The following LRRC37A2 variants were observed in gnomAD, a reference collection of about 807,000 sequenced individuals.
LRRC37A2 encodes leucine-rich repeat-containing protein 37A2.
A neutral mutation model predicts 68.8 loss-of-function variants in LRRC37A2; 9 were observed. The observed-to-expected ratio is 0.13, with a 90% confidence interval of 0.08 to 0.23. LRRC37A2 has a LOEUF of 0.23. Ranked by LOEUF, LRRC37A2 falls within the 10% of genes least tolerant of loss-of-function variation. The pLI, the probability that LRRC37A2 is intolerant of heterozygous loss-of-function variation, is 1.00. For synonymous variants in LRRC37A2, 63 were observed against 367.6 expected (o/e 0.17, Z 9.48); for missense variants, 168 against 950.4 (o/e 0.18, Z 10.82).
the LRRC37A2 span, among the ~76,000 whole-genome samples, chr17:46,817,821 G>C: frequency 6.6e-6 from 1 of 152,124 alleles, no homozygotes; most frequent in Non-Finnish European, 1.5e-5. Context: ...ACCCCTCCCA[G>C]ACAACACATT....
chr17:46,439,385 CAAAAAA>C, the LRRC37A2 span, among the ~76,000 whole-genome samples: 11 of 137,046 alleles, frequency 8.0e-5, no homozygotes, highest in Admixed American at 4.3e-4. Context: ...TACATAGAGC[CAAAAAA>C]AAAAAAAAAA....
chr17:46,630,972 A>T, the LRRC37A2 span, among the ~76,000 whole-genome samples: 1 of 137,828 alleles, frequency 7.3e-6, no homozygotes, highest in African/African-American at 3.0e-5. Context: ...GAATTTCTGT[A>T]TACTACCTTT....
chr17:46,661,378 T>TTTATTATTATTATTATTATTATTATTA, the LRRC37A2 span, among the ~76,000 whole-genome samples: 1 of 106,564 alleles, frequency 9.4e-6, no homozygotes, highest in African/African-American at 4.4e-5. Flanking sequence ...TACATTTCTT[T>TTTATTATTATTATTATTATTATTATTA]TTATTATTAT....
chr17:47,028,753 C>CA, the LRRC37A2 span, among the ~76,000 whole-genome samples: 1 of 151,366 alleles, frequency 6.6e-6, no homozygotes, highest in Non-Finnish European at 1.5e-5. Flanking sequence ...ACTATAAATA[C>CA]AAAAAAATTA....
the LRRC37A2 span, among the ~76,000 whole-genome samples, chr17:46,766,406 C>CA: frequency 0.012 from 1,532 of 126,826 alleles, 29 homozygotes; most frequent in African/African-American, 0.035. Flanking sequence ...GACTCAGTCT[C>CA]AAAAAAAAAA....
the LRRC37A2 span, among the ~76,000 whole-genome samples, chr17:46,499,030 A>G: frequency 3.5e-4 from 53 of 149,802 alleles, no homozygotes; most frequent in African/African-American, 1.3e-3. Context: ...AAAGCACTCT[A>G]TAGGCCAGGC....
the LRRC37A2 span, among the ~76,000 whole-genome samples, chr17:46,959,340 G>C: frequency 6.6e-6 from 1 of 152,150 alleles, no homozygotes. Context: ...ATCCAACCCC[G>C]TTCCCCACCC....
the LRRC37A2 span, among the ~76,000 whole-genome samples, chr17:46,985,360 A>T: frequency 6.6e-6 from 1 of 151,890 alleles, no homozygotes; most frequent in African/African-American, 2.4e-5. Flanking sequence ...CTCTACTAAA[A>T]TATACAAAAA....
the LRRC37A2 span, among the ~76,000 whole-genome samples, chr17:46,929,318 C>T: frequency 6.6e-6 from 1 of 152,128 alleles, no homozygotes; most frequent in Non-Finnish European, 1.5e-5. Flanking sequence ...CCATAATCTG[C>T]CTATCAGTGT....
the LRRC37A2 span, among the ~76,000 whole-genome samples, chr17:46,925,096 A>G: frequency 1.3e-4 from 20 of 151,090 alleles, no homozygotes; most frequent in Admixed American, 5.9e-4. Context: ...GCCTCCAACA[A>G]TGCACCCTTG....
the LRRC37A2 span, among the ~76,000 whole-genome samples, chr17:47,001,690 T>G: frequency 5.3e-5 from 8 of 150,886 alleles, no homozygotes; most frequent in Non-Finnish European, 7.4e-5. Context: ...CAACTACTGA[T>G]CTGCTTTCTT....
chr17:47,008,514 A>T, the LRRC37A2 span, among the ~76,000 whole-genome samples: 1 of 150,818 alleles, frequency 6.6e-6, no homozygotes, highest in East Asian at 2.0e-4. Context: ...GCTGGAGTGC[A>T]GTAGCACAAT....
the LRRC37A2 span, among the ~76,000 whole-genome samples, chr17:46,879,787 C>T: frequency 6.6e-6 from 1 of 152,346 alleles, no homozygotes; most frequent in Non-Finnish European, 1.5e-5. Context: ...CAGTTCCTTC[C>T]CAGGCTGTGA....
At chr17:46,682,001 TTTAGA>T in the LRRC37A2 span, among the ~76,000 whole-genome samples, 3 of 59,888 alleles carry the variant, frequency 5.0e-5, no homozygotes, top group Non-Finnish European at 5.2e-5. Context: ...TAAAAATTAT[TTTAGA>T]TTATTTTCCA....
At chr17:46,770,199 A>C in the LRRC37A2 span, 2 of 1,112,128 alleles carry the variant, frequency 1.8e-6, no homozygotes, top group Non-Finnish European at 2.5e-6. Context: ...CAGCTTCCCC[A>C]CCCTCTTTGG....
intron 6 of LRRC37A2, among the ~76,000 whole-genome samples, chr17:46,532,040 C>T (rs1361074827): frequency 2.0e-5 from 3 of 150,020 alleles, no homozygotes; most frequent in Non-Finnish European, 2.9e-5. Flanking sequence ...GTTCAGGTGA[C>T]GCCATTACAC....
chr17:46,965,796 TA>T, the LRRC37A2 span, among the ~76,000 whole-genome samples: 1 of 147,348 alleles, frequency 6.8e-6, no homozygotes, highest in Non-Finnish European at 1.5e-5. Context: ...CTAATTTTTG[TA>T]TTTTTTTTTT....
chr17:46,728,149 G>A, the LRRC37A2 span, among the ~76,000 whole-genome samples: 163 of 152,242 alleles, frequency 1.1e-3, 1 homozygote, highest in African/African-American at 3.7e-3. Context: ...CTAAGCAGGT[G>A]GCATTTACGC....
At chr17:46,959,339 C>T in the LRRC37A2 span, among the ~76,000 whole-genome samples, 2 of 152,220 alleles carry the variant, frequency 1.3e-5, no homozygotes, top group Non-Finnish European at 2.9e-5. Context: ...AATCCAACCC[C>T]GTTCCCCACC....
Sources: allele counts gnomAD v4.1 joint callset (sites outside exome capture counted in the v4.1 genomes callset), GRCh38; gene constraint gnomAD v4.1.1; transcripts MANE v1.5; gene names NCBI Gene and HGNC (gene_info 2026-07-23, HGNC 2026-07-21).